Variants in GFPT2 observed in about 807,000 individuals in gnomAD.
GFPT2 encodes the protein glutamine--fructose-6-phosphate aminotransferase [isomerizing] 2.
A neutral mutation model predicts 85.6 loss-of-function variants in GFPT2; 62 were observed. The ratio of observed to expected loss-of-function variants is 0.72; its 90% confidence interval spans 0.59 to 0.90. GFPT2 has a LOEUF of 0.90. Among genes scored for constraint, GFPT2 ranks in the 40% least tolerant of loss-of-function variants. The pLI is 0.00. For synonymous variants in GFPT2, 368 were observed against 344.5 expected (o/e 1.07, Z -0.75); for missense variants, 788 against 893.4 (o/e 0.88, Z 1.50).
chr5:180,318,876 A>G lies in GFPT2; in HGVS notation c.875T>C (p.Ile292Thr). Residue 292 changes from isoleucine (I) to threonine (T), a missense_variant, in exon 10 of 19, where the codon ATT becomes ACT. Physicochemically the swap from Ile to Thr is moderately conservative, Grantham distance 89. Coordinates refer to ENST00000253778, the MANE Select transcript of GFPT2 (RefSeq NM_005110.4). This position sits in a 1 kb window ranked among gnomAD's most constrained non-coding sequence, Gnocchi z 4.2. The stretch of plus-strand genomic sequence containing the variant: ...ACTGGCCGAGCGCTTGACCCGGTGA[A>G]TGGAGAGTTTCCCATCAGCCACTGC... Reference protein sequence around the residue: ...IAAVADGKLSIHRVKRSASDD... With the variant: ...IAAVADGKLSTHRVKRSASDD... The G allele has an allele frequency of 6.2e-7, 1 of 1,614,010 alleles. No homozygotes were observed. The highest frequency in any genetic ancestry group is 2.2e-5 in the East Asian group (1 of 44,884).
chr5:180,312,149 GGGAGGCTGAGGACCA>G, intron 15 of GFPT2, among the ~76,000 whole-genome samples: 1 of 110,196 alleles, frequency 9.1e-6, no homozygotes. Flanking sequence ...CAGGGAGGCA[GGGAGGCTGAGGACCA>G]GGGAGGCAGG....
At chr5:180,352,777 G>T in intron 1 of GFPT2, 1 of 317,878 alleles carries the variant, frequency 3.1e-6, no homozygotes, top group Non-Finnish European at 6.0e-6. Flanking sequence ...GGCGCGGCGG[G>T]CTGAGTCGGG....
chr5:180,326,053 A>AAAC (rs1321046623), intron 7 of GFPT2, among the ~76,000 whole-genome samples: 4 of 139,144 alleles, frequency 2.9e-5, no homozygotes, highest in Non-Finnish European at 6.5e-5. Flanking sequence ...AATAAATAAA[A>AAAC]GGATCTCATG....
At chr5:180,310,299 C>T (rs1372409842) in intron 15 of GFPT2, among the ~76,000 whole-genome samples, 3 of 151,864 alleles carry the variant, frequency 2.0e-5, no homozygotes, top group African/African-American at 7.3e-5. Context: ...GATGGGGTTT[C>T]ACCATGTTGG....
chr5:180,302,531 C>T lies in GFPT2; in HGVS notation c.1896G>A (p.Ala632=), dbSNP rs367730888. Residue 632 remains alanine (A), a synonymous_variant, in exon 18 of 19, where the codon GCG becomes GCA. Coordinates refer to ENST00000253778, the MANE Select transcript of GFPT2 (RefSeq NM_005110.4). ...TGTGGGGCAGCTCAATTGTCTTATA[C>T]GCAAACTTGGAACTTTCAGTATCGT... ...SKDDTESSKF[A]YKTIELPHTV... 115 of 1,613,924 alleles carry T rather than the reference C, an allele frequency of 7.1e-5. No individual in the cohort carries two copies. Among genetic ancestry groups the T allele is most frequent in the Admixed American group, 1.0e-4 (6 of 60,010 alleles).
chr5:180,347,074 G>A (rs1232667775), intron 1 of GFPT2, among the ~76,000 whole-genome samples: 1 of 152,242 alleles, frequency 6.6e-6, no homozygotes, highest in Non-Finnish European at 1.5e-5. Flanking sequence ...CAGCCAGGTG[G>A]GGGATGCTGA....
chr5:180,304,671 TG>T, intron 17 of GFPT2, 100 bp downstream of exon 17: 1 of 1,113,646 alleles, frequency 9.0e-7, no homozygotes, highest in Non-Finnish European at 1.3e-6. Context: ...AGCCACTCAC[TG>T]GCCAGACCAT....
Position 180,301,310 on chromosome 5 carries a change from G to A in GFPT2, c.*254C>T. 7.1e-6 allele frequency: 4 copies of A among 565,186 alleles called. No individual in the cohort carries two copies. The highest frequency in any genetic ancestry group is 1.3e-5 in the Non-Finnish European group (4 of 319,756). The allele number at this position is 565,186 out of a possible 1,614,324, so 35.0% of individuals were successfully genotyped here. A position where few individuals can be genotyped will look rare whatever the true frequency, so the allele number is the denominator to read the frequency against. On this transcript the variant is annotated 3_prime_UTR_variant, in exon 19 of 19. Coordinates refer to ENST00000253778, the MANE Select transcript of GFPT2 (RefSeq NM_005110.4). ...AAGAGAGCTGTATCTCTATTGCACA[G>A]TAGTGGAGAAGTCTGCTCTGATCCC...
chr5:180,341,611 T>C (rs933971254), intron 1 of GFPT2, among the ~76,000 whole-genome samples: 2 of 152,218 alleles, frequency 1.3e-5, no homozygotes, highest in African/African-American at 2.4e-5. Flanking sequence ...GGGATTTATA[T>C]ATAAAAATAT....
chr5:180,316,221 TGCAAGAGAGGGTTCGCA>T (rs1325292354), intron 13 of GFPT2, 103 bp downstream of exon 13: 8 of 1,006,286 alleles, frequency 8.0e-6, no homozygotes, highest in Non-Finnish European at 1.0e-5. Context: ...AAATGACCGC[TGCAAGAGAGGGTTCGCA>T]GCACAGGGTA....
At chr5:180,314,000 C>G (rs1057112747) in intron 13 of GFPT2, 36 bp from the exon 14 acceptor site, 1 of 1,549,152 alleles carries the variant, frequency 6.5e-7, no homozygotes, top group Admixed American at 1.8e-5. Flanking sequence ...CCGCGCTCCG[C>G]CAGCCTCGGC....
chr5:180,328,207 C>G lies in GFPT2; in HGVS notation c.596+70G>C. On this transcript the variant is annotated intron_variant, in intron 7 of 18. Coordinates refer to ENST00000253778, the MANE Select transcript of GFPT2 (RefSeq NM_005110.4). This position sits in a 1 kb window ranked among gnomAD's most constrained non-coding sequence, Gnocchi z 5.4. ...AGCGTGCCACAGGCCCTACCTCTCC[C>G]GTCTCCCTCCAGCTAAGTGATTTTA... is the stretch of plus-strand genomic sequence containing the variant. 8.5e-7 allele frequency: 1 copy of G among 1,176,550 alleles called. No individual in the cohort carries two copies. The highest frequency in any genetic ancestry group is 1.3e-6 in the Non-Finnish European group (1 of 781,780). The allele number at this position is 1,176,550 out of a possible 1,614,324, so 72.9% of individuals were successfully genotyped here.
At chr5:180,339,567 G>A (rs926670344) in intron 1 of GFPT2, among the ~76,000 whole-genome samples, 1 of 151,830 alleles carries the variant, frequency 6.6e-6, no homozygotes, top group South Asian at 2.1e-4. Context: ...CGTTGTGTTG[G>A]TTCTGCCTTC....
At chr5:180,307,074 C>G (rs1218637946) in intron 16 of GFPT2, 102 bp downstream of exon 16, 1 of 948,666 alleles carries the variant, frequency 1.1e-6, no homozygotes, top group Non-Finnish European at 1.6e-6. Flanking sequence ...TCCTTAGGCC[C>G]GGCCCTCCCC....
At chr5:180,314,374 C>A (rs55901738) in intron 13 of GFPT2, among the ~76,000 whole-genome samples, 55,231 of 151,966 alleles carry the variant, frequency 0.36, 10,124 homozygotes, top group East Asian at 0.57. Context: ...TAACATCTGA[C>A]AAGCAGGAAT....
intron 9 of GFPT2, among the ~76,000 whole-genome samples, chr5:180,320,227 C>T (rs951524027): frequency 2.0e-5 from 3 of 152,006 alleles, no homozygotes; most frequent in African/African-American, 4.8e-5. Flanking sequence ...CTCCTGACCT[C>T]GTGATCCGCC....
intron 8 of GFPT2, chr5:180,324,549 C>A (rs1369699879): frequency 1.5e-5 from 9 of 585,150 alleles, no homozygotes; most frequent in Admixed American, 9.5e-5. Flanking sequence ...CACATCAAAG[C>A]CCAGTTGCCG....
chr5:180,353,254 G>A lies in GFPT2; in HGVS notation c.-37C>T, dbSNP rs962135960. 82 of 1,240,794 alleles carry A rather than the reference G, an allele frequency of 6.6e-5. 2 individuals carry two copies. The African/African-American group carries it at 1.1e-3, about 17-fold the overall frequency. 76.9% of individuals were successfully genotyped at this position (1,240,794 alleles called of 1,614,324 possible). A position where few individuals can be genotyped will look rare whatever the true frequency, so the allele number is the denominator to read the frequency against. ...CTCGGGCTCCTTCGCGGCTCGAGGG[G>A]GTCTGCCCGTTCGGACGCTGGGGCT... On this transcript the variant is annotated 5_prime_UTR_variant, in exon 1 of 19. Transcript: ENST00000253778.
chr5:180,307,092 A>G lies in GFPT2; in HGVS notation c.1674+84T>C, dbSNP rs570051610. 3.6e-4 allele frequency: 429 copies of G among 1,179,914 alleles called. 2 individuals carry two copies. In the African/African-American group the frequency reaches 6.0e-3, roughly 16 times the overall value. 73.1% of individuals were successfully genotyped at this position (1,179,914 alleles called of 1,614,324 possible). The stretch of plus-strand genomic sequence containing the variant: ...TTAGGCCCGGCCCTCCCCAAGCCCA[A>G]CGCCCTGCCCTCCTTCCCGCTGGCT... On this transcript the variant is annotated intron_variant, in intron 16 of 18. Coordinates refer to ENST00000253778, the MANE Select transcript of GFPT2 (RefSeq NM_005110.4).
Sources: allele counts gnomAD v4.1 joint callset (sites outside exome capture counted in the v4.1 genomes callset), GRCh38; gene constraint gnomAD v4.1.1; non-coding constraint Gnocchi (gnomAD v3.1); transcripts MANE v1.5; gene names NCBI Gene and HGNC (gene_info 2026-07-23, HGNC 2026-07-21).